The following TNFRSF10A variants were observed in gnomAD, a reference collection of about 807,000 sequenced individuals.
TNFRSF10A encodes TNF receptor superfamily member 10a.
TNFRSF10A carries 44 observed loss-of-function variants against 42.8 expected under a neutral mutation model. The ratio of observed to expected loss-of-function variants is 1.03; its 90% CI spans 0.81 to 1.32. TNFRSF10A has a LOEUF of 1.32. Among genes scored for constraint, TNFRSF10A ranks in the 40% most tolerant of loss-of-function variants. The pLI is 0.00. For synonymous variants in TNFRSF10A, 259 were observed against 234.2 expected, an observed-to-expected ratio of 1.11 and a Z score of -0.97; for missense variants, 680 against 602.0, an observed-to-expected ratio of 1.13 and a Z score of -1.36.
chr8:23,214,442 T>A (rs1203466629), intron 1 of TNFRSF10A, among the ~76,000 whole-genome samples: 1 of 151,592 alleles, frequency 6.6e-6, no homozygotes, highest in African/African-American at 2.4e-5. Context: ...GAGCCGAGAT[T>A]GTGCCACTGC....
intron 9 of TNFRSF10A, 81 bp downstream of exon 9, chr8:23,197,051 C>T (rs1174706572): frequency 2.3e-5 from 36 of 1,583,558 alleles, no homozygotes; most frequent in Non-Finnish European, 2.9e-5. Flanking sequence ...TGGAAGAGCA[C>T]TCTCAGCAAT....
At position 23,224,823 on chromosome 8, in the gene TNFRSF10A, C is replaced by T. The variant is rs1182411403; in HGVS notation, c.239G>A (p.Arg80Gln). The T allele has an allele frequency of 4.5e-6, 7 of 1,565,874 alleles. No individual in the cohort carries two copies. Among genetic ancestry groups the T allele is most frequent in the Non-Finnish European group, 5.2e-6 (6 of 1,155,592 alleles). The change falls in exon 1 of 10, where the codon CGG (arginine) becomes CAG (glutamine). Residue 80 changes from arginine (R) to glutamine (Q), a missense_variant. Coordinates refer to ENST00000221132, the MANE Select transcript of TNFRSF10A (RefSeq NM_003844.4). The stretch of plus-strand genomic sequence containing the variant: ...GACCCGGAGCCGAGGGCTGGCTTCC[C>T]GCGCCGGCCTGGGTCCTGGGGCGCG... Reference protein sequence around the residue: ...AGRAPGPRPAREASPRLRVHK... With the variant: ...AGRAPGPRPAQEASPRLRVHK...
At chr8:23,206,223 C>T (rs1430311652) in intron 2 of TNFRSF10A, among the ~76,000 whole-genome samples, 2 of 151,780 alleles carry the variant, frequency 1.3e-5, no homozygotes, top group African/African-American at 4.8e-5. Context: ...AATAGTTACA[C>T]GAAGTTAATA....
At chr8:23,195,274 C>T (rs1800806985) in intron 9 of TNFRSF10A, among the ~76,000 whole-genome samples, 1 of 152,170 alleles carries the variant, frequency 6.6e-6, no homozygotes, top group Admixed American at 6.5e-5. Flanking sequence ...TGAAATAATT[C>T]GTATGGCTTT....
intron 4 of TNFRSF10A, among the ~76,000 whole-genome samples, chr8:23,201,289 G>T (rs970005458): frequency 2.0e-5 from 3 of 152,164 alleles, no homozygotes; most frequent in Non-Finnish European, 2.9e-5. Flanking sequence ...AGGCTGGCTG[G>T]GTGGGCTCAG....
intron 8 of TNFRSF10A, among the ~76,000 whole-genome samples, chr8:23,198,934 C>A (rs901373059): frequency 1.3e-5 from 2 of 152,182 alleles, no homozygotes; most frequent in Non-Finnish European, 2.9e-5. Flanking sequence ...ATTTAAAATC[C>A]CTGCTGTTAT....
chr8:23,209,771 G>T (rs1276094749), intron 2 of TNFRSF10A, among the ~76,000 whole-genome samples: 2 of 152,194 alleles, frequency 1.3e-5, no homozygotes, highest in Non-Finnish European at 2.9e-5. Flanking sequence ...AGGCAGAAGG[G>T]ACTTGCTTTG....
Position 23,213,436 on chromosome 8 carries a change from C to CTTTTTTTTTTTTTTTTTTTTTTTTTTTTT in TNFRSF10A, c.307-1253_307-1225dup, listed in dbSNP as rs58691757. On this transcript the variant is annotated intron_variant, in intron 1 of 9. Transcript: ENST00000221132. Reference sequence around the variant, plus strand: ...GCTGGTTTGGGCTTAGTTTGCTCCTCTTTTTTTTTTTTTTTTTTTTTTTTT... The same window carrying CTTTTTTTTTTTTTTTTTTTTTTTTTTTTT: ...GCTGGTTTGGGCTTAGTTTGCTCCTCTTTTTTTTTTTTTTTTTTTTTTTTTTTTTTTTTTTTTTTTTTTTTTTTTTTTTT... Among the ~76,000 whole-genome samples, 9 of 68,658 alleles carry CTTTTTTTTTTTTTTTTTTTTTTTTTTTTT rather than the reference C, an allele frequency of 1.3e-4. 2 individuals carry two copies. The highest frequency in any genetic ancestry group is 6.4e-4 in the South Asian group (1 of 1,552). 45.0% of individuals were successfully genotyped at this position (68,658 alleles called of 152,430 possible).
At chr8:23,213,646 C>A (rs1035188279) in intron 1 of TNFRSF10A, among the ~76,000 whole-genome samples, 1 of 151,976 alleles carries the variant, frequency 6.6e-6, no homozygotes, top group Non-Finnish European at 1.5e-5. Flanking sequence ...GACAGAGTTT[C>A]ACTGTGTTAG....
intron 2 of TNFRSF10A, among the ~76,000 whole-genome samples, chr8:23,205,198 A>G (rs189929551): frequency 5.6e-4 from 86 of 152,270 alleles, no homozygotes; most frequent in African/African-American, 1.9e-3. Context: ...AGCACAGGGA[A>G]AAAATAAGAC....
chr8:23,218,279 C>T (rs1293534447), intron 1 of TNFRSF10A, among the ~76,000 whole-genome samples: 1 of 152,118 alleles, frequency 6.6e-6, no homozygotes, highest in Non-Finnish European at 1.5e-5. Context: ...ATGAGTCATT[C>T]ACCAGGGGGT....
chr8:23,192,081 C>G, intron 9 of TNFRSF10A, 68 bp from the exon 10 acceptor site: 2 of 1,539,764 alleles, frequency 1.3e-6, no homozygotes, highest in Non-Finnish European at 1.7e-6. Context: ...CAGAGGATCC[C>G]ACATCAGGCC....
At chr8:23,193,732 A>C (rs1800785113) in intron 9 of TNFRSF10A, among the ~76,000 whole-genome samples, 1 of 152,078 alleles carries the variant, frequency 6.6e-6, no homozygotes, top group African/African-American at 2.4e-5. Context: ...CAGTCTGGAC[A>C]CTCTTGGAGC....
intron 2 of TNFRSF10A, among the ~76,000 whole-genome samples, chr8:23,203,099 T>TGA (rs1027268648): frequency 6.6e-6 from 1 of 152,168 alleles, no homozygotes; most frequent in Non-Finnish European, 1.5e-5. Flanking sequence ...GATAAAACAT[T>TGA]GAGATATTTT....
At chr8:23,216,402 A>G (rs1198209792) in intron 1 of TNFRSF10A, among the ~76,000 whole-genome samples, 1 of 152,144 alleles carries the variant, frequency 6.6e-6, no homozygotes. Flanking sequence ...ATAGAAGTGT[A>G]TAACCATCAA....
chr8:23,192,821 T>C (rs1158361658), intron 9 of TNFRSF10A, among the ~76,000 whole-genome samples: 1 of 152,228 alleles, frequency 6.6e-6, no homozygotes, highest in African/African-American at 2.4e-5. Context: ...TTGACCCTTC[T>C]GGTCCTTAAC....
chr8:23,192,856 A>C (rs1474341467), intron 9 of TNFRSF10A, among the ~76,000 whole-genome samples: 1 of 152,224 alleles, frequency 6.6e-6, no homozygotes, highest in Non-Finnish European at 1.5e-5. Context: ...CATTTGTTTT[A>C]TCTGAGTTAC....
intron 2 of TNFRSF10A, chr8:23,206,876 T>C (rs1353467813): frequency 1.6e-5 from 4 of 245,712 alleles, no homozygotes; most frequent in Non-Finnish European, 3.3e-5. Flanking sequence ...GATTTTGACT[T>C]AGTTATCAAA....
intron 2 of TNFRSF10A, among the ~76,000 whole-genome samples, chr8:23,205,734 G>C (rs190717561): frequency 1.6e-4 from 22 of 139,752 alleles, no homozygotes; most frequent in African/African-American, 4.9e-4. Context: ...TTTTTGAGAA[G>C]GAGTCACACT....
Sources: allele counts gnomAD v4.1 joint callset (sites outside exome capture counted in the v4.1 genomes callset), GRCh38; gene constraint gnomAD v4.1.1; transcripts MANE v1.5; gene names NCBI Gene and HGNC (gene_info 2026-07-23, HGNC 2026-07-21).